The following PRKN variants were observed in gnomAD, a reference collection of about 807,000 sequenced individuals.
PRKN encodes the protein parkin RBR E3 ubiquitin protein ligase.
Under a neutral mutation model 59.5 loss-of-function variants are expected in PRKN, and 56 were observed. The observed-to-expected ratio is 0.94, with a 90% CI of 0.76 to 1.18. The LOEUF is 1.18. Among genes scored for constraint, PRKN ranks in the 50% most tolerant of loss-of-function variants. PRKN has a pLI of 0.00. For missense variants in PRKN, 657 were observed against 596.4 expected, an observed-to-expected ratio of 1.10 and a Z score of -1.06; for synonymous variants, 250 against 222.1, an observed-to-expected ratio of 1.13 and a Z score of -1.12.
intron 7 of PRKN, among the ~76,000 whole-genome samples, chr6:161,591,753 C>T (rs188660826): frequency 1.3e-5 from 2 of 152,302 alleles, no homozygotes; most frequent in African/African-American, 4.8e-5. Flanking sequence ...TAATTCTGTA[C>T]AGCCTATTCT....
In PRKN at chr6:161,489,248, G is replaced by A. The variant is rs186005573; in HGVS notation, c.1083+59606C>T. On this transcript the variant is annotated intron_variant, in intron 9 of 11. Transcript: ENST00000366898. The stretch of plus-strand genomic sequence containing the variant: ...TTCATACTGGAAAAAAAAAAACATG[G>A]GCAATATAATCATAAAAATACAAAT... Among the ~76,000 whole-genome samples the A allele has an allele frequency of 1.1e-3, 165 of 150,452 alleles. 2 individuals are homozygous for A. Among genetic ancestry groups the A allele is most frequent in the African/African-American group, 3.7e-3 (154 of 41,356 alleles).
At chr6:161,990,970 G>T (rs1781623862) in intron 5 of PRKN, among the ~76,000 whole-genome samples, 1 of 152,126 alleles carries the variant, frequency 6.6e-6, no homozygotes, top group South Asian at 2.1e-4. Context: ...ACTGTTAAAA[G>T]TTAAAGACAA....
chr6:162,031,638 C>T lies in PRKN; in HGVS notation c.618+22453G>A, dbSNP rs536214588. Among the ~76,000 whole-genome samples the T allele has an allele frequency of 6.6e-5, 10 of 151,308 alleles. No homozygotes were observed. The South Asian group carries it at 1.5e-3, about 22-fold the overall frequency. The stretch of plus-strand genomic sequence containing the variant: ...GTAACCTCCACCTCCAAGGTTCAAG[C>T]GATTCTTCTTGCCTCCTGAGTAGCT... On this transcript the variant is annotated intron_variant, in intron 5 of 11. Coordinates refer to ENST00000366898, the MANE Select transcript of PRKN (RefSeq NM_004562.3).
intron 5 of PRKN, among the ~76,000 whole-genome samples, chr6:162,008,228 T>A (rs1016086048): frequency 6.6e-6 from 1 of 152,152 alleles, no homozygotes; most frequent in Non-Finnish European, 1.5e-5. Flanking sequence ...TATGAACATT[T>A]GGCACCAGAT....
At chr6:162,251,192 G>A (rs1157267939) in intron 3 of PRKN, among the ~76,000 whole-genome samples, 1 of 152,094 alleles carries the variant, frequency 6.6e-6, no homozygotes, top group Non-Finnish European at 1.5e-5. Context: ...ACCACAATCT[G>A]AGTGGCCACA....
chr6:162,073,782 A>G (rs1028790784), intron 4 of PRKN, among the ~76,000 whole-genome samples: 79 of 152,216 alleles, frequency 5.2e-4, no homozygotes, highest in African/African-American at 1.9e-3. Context: ...AATTTGGCAG[A>G]TAATTCACTT....
intron 4 of PRKN, among the ~76,000 whole-genome samples, chr6:162,073,028 C>T (rs912664715): frequency 6.6e-6 from 1 of 152,194 alleles, no homozygotes; most frequent in African/African-American, 2.4e-5. Context: ...CCTCATGCTT[C>T]ACTATCTTAT....
Position 162,584,249 on chromosome 6 carries a change from A to C in PRKN, c.8-140776T>G, listed in dbSNP as rs561912699. Among the ~76,000 whole-genome samples, 18 of 102,382 alleles carry C rather than the reference A, an allele frequency of 1.8e-4. No individual in the cohort carries two copies. In the East Asian group the frequency reaches 3.6e-3, roughly 20 times the overall value. The allele number at this position is 102,382 out of a possible 152,430, so 67.2% of individuals were successfully genotyped here. A position where few individuals can be genotyped will look rare whatever the true frequency, so the allele number is the denominator to read the frequency against. On this transcript the variant is annotated intron_variant, in intron 1 of 11. Coordinates refer to ENST00000366898, the MANE Select transcript of PRKN (RefSeq NM_004562.3). ...ACAAAAAACAAAAAACAAAAAACAAAAAAAAAAAAAACACTGACTATATTT... is the reference window on the plus strand; with the variant it reads ...ACAAAAAACAAAAAACAAAAAACAACAAAAAAAAAAACACTGACTATATTT...
At chr6:162,030,270 C>G (rs1176044667) in intron 5 of PRKN, among the ~76,000 whole-genome samples, 1 of 152,172 alleles carries the variant, frequency 6.6e-6, no homozygotes, top group Non-Finnish European at 1.5e-5. Flanking sequence ...GATGTTGCCT[C>G]CCATGTTACT....
rs560852257 is a variant in PRKN at position 161,448,901 on chromosome 6, T to C, written c.1084-62024A>G. Among the ~76,000 whole-genome samples the C allele has an allele frequency of 6.6e-6, 1 of 152,324 alleles. No individual in the cohort carries two copies. Among genetic ancestry groups the C allele is most frequent in the South Asian group, 2.1e-4 (1 of 4,830 alleles). ...TCAAGGTAGAGGATGACTTTGGGAC[T>C]CTGGCAACACAGGAAGCCCAGTGTG... On this transcript the variant is annotated intron_variant, in intron 9 of 11. Coordinates refer to ENST00000366898, the MANE Select transcript of PRKN (RefSeq NM_004562.3). This position sits in a 1 kb window ranked among gnomAD's most constrained non-coding sequence, Gnocchi z 5.1.
intron 5 of PRKN, among the ~76,000 whole-genome samples, chr6:161,993,168 C>T (rs1214794873): frequency 1.3e-5 from 2 of 151,950 alleles, no homozygotes; most frequent in Admixed American, 6.6e-5. Flanking sequence ...ACAATAACAA[C>T]TTGGTTTTTG....
chr6:161,594,429 GATGGCTTTC>G (rs1781841639), intron 7 of PRKN, among the ~76,000 whole-genome samples: 1 of 152,218 alleles, frequency 6.6e-6, no homozygotes, highest in South Asian at 2.1e-4. Context: ...CAAAGAAAAT[GATGGCTTTC>G]AAGAAGAGTG....
intron 1 of PRKN, among the ~76,000 whole-genome samples, chr6:162,507,311 G>C (rs899634223): frequency 1.3e-5 from 2 of 151,992 alleles, no homozygotes; most frequent in Non-Finnish European, 2.9e-5. Context: ...TCACTCCTAT[G>C]CTTAAAACCA....
chr6:162,265,547 C>T (rs1024703222), intron 2 of PRKN, among the ~76,000 whole-genome samples: 2 of 152,102 alleles, frequency 1.3e-5, no homozygotes, highest in Admixed American at 6.6e-5. Flanking sequence ...AAAAATTAGC[C>T]GGGCATGGTG....
intron 1 of PRKN, among the ~76,000 whole-genome samples, chr6:162,684,777 T>C (rs1247862824): frequency 3.3e-5 from 5 of 152,140 alleles, no homozygotes; most frequent in Non-Finnish European, 5.9e-5. Context: ...AAAATGATTA[T>C]GATTAAAAAA....
chr6:162,623,840 A>C (rs941478501), intron 1 of PRKN, among the ~76,000 whole-genome samples: 1 of 152,190 alleles, frequency 6.6e-6, no homozygotes, highest in Non-Finnish European at 1.5e-5. Context: ...CATATATAAA[A>C]AAACTGAAGT....
chr6:162,122,593 A>C (rs1395049020), intron 4 of PRKN, among the ~76,000 whole-genome samples: 2 of 151,966 alleles, frequency 1.3e-5, no homozygotes, highest in African/African-American at 4.8e-5. Context: ...ATGTCTGTTG[A>C]TTTTTCTCAT....
At chr6:162,110,706 T>A (rs1780393433) in intron 4 of PRKN, among the ~76,000 whole-genome samples, 1 of 152,172 alleles carries the variant, frequency 6.6e-6, no homozygotes, top group Non-Finnish European at 1.5e-5. Context: ...ACAGGGGCGA[T>A]GTCCTTTTGA....
chr6:161,532,126 C>T (rs1234967015), intron 9 of PRKN, among the ~76,000 whole-genome samples: 1 of 148,254 alleles, frequency 6.7e-6, no homozygotes, highest in Non-Finnish European at 1.5e-5. Flanking sequence ...TCTATCCATC[C>T]TATCTCTGTC....
Sources: gnomAD v4.1 joint callset for allele counts (sites outside exome capture counted in the v4.1 genomes callset) on GRCh38, gnomAD v4.1.1 for gene constraint, Gnocchi (gnomAD v3.1) non-coding constraint, MANE v1.5 for transcripts, NCBI Gene and HGNC (gene_info 2026-07-23, HGNC 2026-07-21) for gene names.